The following VPS13A variants were observed in gnomAD, a reference collection of about 807,000 sequenced individuals.
VPS13A encodes vacuolar protein sorting 13 homolog A, also known as intermembrane lipid transfer protein VPS13A.
A neutral mutation model predicts 390.9 loss-of-function variants in VPS13A; 264 were observed. The ratio of observed to expected loss-of-function variants is 0.68; its 90% CI spans 0.61 to 0.75. The LOEUF (loss-of-function observed/expected upper bound fraction) is 0.75. Ranked by LOEUF, VPS13A falls within the 30% of genes least tolerant of loss-of-function variation. The pLI is 0.00. For synonymous variants in VPS13A, 1,231 were observed against 1,227.1 expected (o/e 1.00, Z -0.07); for missense variants, 3,409 against 3,733.9 (o/e 0.91, Z 2.27).
chr9:77,346,984 A>C (rs768036672), intron 52 of VPS13A, among the ~76,000 whole-genome samples: 3 of 152,184 alleles, frequency 2.0e-5, no homozygotes, highest in African/African-American at 4.8e-5. Context: ...TGTTGAAGAT[A>C]ATTGGCTGTA....
intron 67 of VPS13A, among the ~76,000 whole-genome samples, chr9:77,373,347 C>A (rs1035210193): frequency 6.9e-6 from 1 of 144,546 alleles, no homozygotes; most frequent in Non-Finnish European, 1.5e-5. Context: ...CTACAACTAT[C>A]TGATCTTTGA....
At chr9:77,383,011 G>A in intron 68 of VPS13A, 1 of 985,222 alleles carries the variant, frequency 1.0e-6, no homozygotes, top group Non-Finnish European at 1.2e-6. Context: ...AACAAACAAG[G>A]AATCATTATG....
chr9:77,239,931 A>T (rs1824370234), intron 19 of VPS13A, among the ~76,000 whole-genome samples: 1 of 151,878 alleles, frequency 6.6e-6, no homozygotes, highest in African/African-American at 2.4e-5. Context: ...GAAAAATTTT[A>T]TATTCTCCTA....
At chr9:77,388,151 AATAATG>A (rs1833763507) in intron 68 of VPS13A, among the ~76,000 whole-genome samples, 1 of 149,660 alleles carries the variant, frequency 6.7e-6, no homozygotes, top group South Asian at 2.1e-4. Flanking sequence ...TAGCTCAAAT[AATAATG>A]ATGATGGATA....
rs1831585541 is a variant in VPS13A at position 77,353,432 on chromosome 9, G to A, written c.7443G>A (p.Leu2481=). The A allele has an allele frequency of 6.4e-7, 1 of 1,568,540 alleles. No homozygotes were observed. Among genetic ancestry groups the A allele is most frequent in the Non-Finnish European group, 8.7e-7 (1 of 1,147,622 alleles). ...AGGATATGATGATGCCTATAGATTTGGGGGAAAAGACAATATATTTAGTTT... is the reference window on the plus strand; with the variant it reads ...AGGATATGATGATGCCTATAGATTTAGGGGAAAAGACAATATATTTAGTTT... ...QKDDMMMPID[L]GEKTIYLVSF... Residue 2481 remains leucine, a synonymous_variant, in exon 54 of 72, where the codon TTG becomes TTA. Transcript: ENST00000360280.
At chr9:77,198,178 AT>A (rs1220633793) in intron 1 of VPS13A, among the ~76,000 whole-genome samples, 1 of 152,116 alleles carries the variant, frequency 6.6e-6, no homozygotes, top group East Asian at 1.9e-4. Context: ...GAGAAGAAAC[AT>A]TAGAAGCAGT....
intron 44 of VPS13A, among the ~76,000 whole-genome samples, chr9:77,322,598 T>G (rs1829811923): frequency 6.6e-6 from 1 of 151,942 alleles, no homozygotes; most frequent in Non-Finnish European, 1.5e-5. Context: ...AGTAAGTAAT[T>G]TTATCCCCAA....
At chr9:77,231,662 C>T (rs577328292) in intron 17 of VPS13A, among the ~76,000 whole-genome samples, 21 of 152,010 alleles carry the variant, frequency 1.4e-4, no homozygotes, top group South Asian at 1.0e-3. Flanking sequence ...AAACTGTCAC[C>T]GGTACATGAT....
rs1402521957 is a variant in VPS13A, at chr9:77,321,661, A to G, written c.5745A>G (p.Leu1915=). The G allele has an allele frequency of 1.2e-6, 2 of 1,613,300 alleles. No individual in the cohort carries two copies. The highest frequency in any genetic ancestry group is 2.2e-5 in the South Asian group (2 of 91,060). The change falls in exon 44 of 72, where the codon TTA becomes TTG. Residue 1915 remains leucine, a synonymous_variant. Transcript: ENST00000360280. ...KSYVLKNGES[L]SMDYIRTKDN... Reference sequence around the variant, plus strand: ...ATGTATTGAAAAATGGAGAAAGTTTAAGTATGGATTATATCCGAACCAAGG... The same window carrying G: ...ATGTATTGAAAAATGGAGAAAGTTTGAGTATGGATTATATCCGAACCAAGG...
chr9:77,270,812 T>C (rs928969895), intron 23 of VPS13A, among the ~76,000 whole-genome samples: 3 of 152,246 alleles, frequency 2.0e-5, no homozygotes, highest in Non-Finnish European at 1.5e-5. Context: ...AACAACCGGA[T>C]TTCCATGTGG....
At chr9:77,303,532 A>T (rs1429726606) in intron 34 of VPS13A, among the ~76,000 whole-genome samples, 1 of 152,072 alleles carries the variant, frequency 6.6e-6, no homozygotes, top group Non-Finnish European at 1.5e-5. Context: ...ACAACAGTGG[A>T]CCCAGGGGAC....
At chr9:77,309,127 T>G (rs1828925259) in intron 35 of VPS13A, among the ~76,000 whole-genome samples, 1 of 152,056 alleles carries the variant, frequency 6.6e-6, no homozygotes, top group Non-Finnish European at 1.5e-5. Flanking sequence ...GAAGATAATA[T>G]AAGAAATGGA....
At chr9:77,287,063 C>G (rs76388530) in intron 31 of VPS13A, among the ~76,000 whole-genome samples, 18,621 of 150,746 alleles carry the variant, frequency 0.12, 1,449 homozygotes, top group Middle Eastern at 0.24. Flanking sequence ...AGAGGCTATT[C>G]GGTTTATTCT....
intron 27 of VPS13A, among the ~76,000 whole-genome samples, chr9:77,281,577 C>G (rs1291919319): frequency 6.6e-6 from 1 of 151,998 alleles, no homozygotes; most frequent in Admixed American, 6.6e-5. Flanking sequence ...TGATTATTCT[C>G]CACACTTGAT....
intron 31 of VPS13A, among the ~76,000 whole-genome samples, chr9:77,284,478 C>T (rs1417252087): frequency 2.0e-5 from 3 of 152,134 alleles, no homozygotes; most frequent in African/African-American, 4.8e-5. Flanking sequence ...AGAAGTGACT[C>T]ATAGCAATAA....
At position 77,214,184 on chromosome 9, in the gene VPS13A, G is replaced by A. The variant is rs1021566601; in HGVS notation, c.697-145G>A. Reference sequence around the variant, plus strand: ...CCAGCCACTCGGGAGGCTGAGGCAGGAGAATCGCATGAGTCCATGAGACAG... The same window carrying A: ...CCAGCCACTCGGGAGGCTGAGGCAGAAGAATCGCATGAGTCCATGAGACAG... On this transcript the variant is annotated intron_variant, in intron 9 of 71. Coordinates refer to ENST00000360280, the MANE Select transcript of VPS13A (RefSeq NM_033305.3). The A allele has an allele frequency of 2.5e-5, 17 of 675,634 alleles. 1 individual carries two copies. Among genetic ancestry groups the A allele is most frequent in the Non-Finnish European group, 4.5e-5 (17 of 375,794 alleles). 41.9% of individuals were successfully genotyped at this position (675,634 alleles called of 1,614,324 possible).
intron 6 of VPS13A, among the ~76,000 whole-genome samples, chr9:77,210,414 T>C (rs1338670973): frequency 7.2e-6 from 1 of 139,534 alleles, no homozygotes; most frequent in Non-Finnish European, 1.5e-5. Context: ...TGGCTAATTT[T>C]CTTAACATTT....
At chr9:77,228,408 A>C in intron 17 of VPS13A, 144 bp downstream of exon 17, 1 of 695,666 alleles carries the variant, frequency 1.4e-6, no homozygotes, top group Non-Finnish European at 2.2e-6. Flanking sequence ...TTTTTTTTTT[A>C]ATTGTTAAGA....
intron 20 of VPS13A, among the ~76,000 whole-genome samples, chr9:77,249,781 C>T (rs756117338): frequency 3.9e-5 from 6 of 152,110 alleles, no homozygotes; most frequent in Non-Finnish European, 7.4e-5. Context: ...CTAAATTTGT[C>T]TCTTGATCTT....
Sources: gnomAD v4.1 joint callset for allele counts (sites outside exome capture counted in the v4.1 genomes callset) on GRCh38, gnomAD v4.1.1 for gene constraint, MANE v1.5 for transcripts, NCBI Gene and HGNC (gene_info 2026-07-23, HGNC 2026-07-21) for gene names.